The following PCSK6 variants were observed in gnomAD, a reference collection of about 807,000 sequenced individuals.
PCSK6 encodes paired basic amino acid cleaving enzyme 4.
In PCSK6, 85 loss-of-function variants were observed where a neutral mutation model predicts 123.3. That is an observed-to-expected ratio of 0.69 (90% confidence interval 0.58 to 0.83). PCSK6 has a LOEUF of 0.83. PCSK6 is among the 40% of genes least tolerant of loss of function. The pLI, the probability that PCSK6 is intolerant of heterozygous loss-of-function variation, is 0.00. For missense variants in PCSK6, 1,191 were observed against 1,282.3 expected (o/e 0.93, Z 1.09); for synonymous variants, 508 against 516.0 (o/e 0.98, Z 0.21).
At position 101,347,733 on chromosome 15, in the gene PCSK6, T is replaced by A. The variant is rs750883139; in HGVS notation, c.1859-15702A>T. 12 of 1,613,908 alleles carry A rather than the reference T, an allele frequency of 7.4e-6. No homozygotes were observed. The East Asian group carries it at 2.7e-4, about 36-fold the overall frequency. ...AGTATTTCACAGAGATTACCAAAGC[T>A]CTTGTTCAATCTGCCACCGGAACAC... is the stretch of plus-strand genomic sequence containing the variant. On this transcript the variant is annotated intron_variant, in intron 13 of 21. Transcript: ENST00000611716.
intron 20 of PCSK6, among the ~76,000 whole-genome samples, chr15:101,310,262 C>T (rs1299182119): frequency 6.6e-6 from 1 of 152,236 alleles, no homozygotes; most frequent in South Asian, 2.1e-4. Flanking sequence ...GAAAGCTGCC[C>T]CTCACCTGGG....
rs528579647 is a variant in PCSK6, at chr15:101,476,574, A to C, written c.297+12800T>G. On this transcript the variant is annotated intron_variant, in intron 1 of 21. Coordinates refer to ENST00000611716, the MANE Select transcript of PCSK6 (RefSeq NM_002570.5). Reference sequence around the variant, plus strand: ...ATTCCATTTATATTAAAAAAAAAAAAAACAACAAAAATTCTTTTTGTGTGT... The same window carrying C: ...ATTCCATTTATATTAAAAAAAAAAACAACAACAAAAATTCTTTTTGTGTGT... Among the ~76,000 whole-genome samples the C allele has an allele frequency of 4.0e-3, 614 of 152,062 alleles. 6 individuals are homozygous for C. Among genetic ancestry groups the C allele is most frequent in the African/African-American group, 0.013 (554 of 41,478 alleles).
chr15:101,410,422 A>G (rs1182477611), intron 6 of PCSK6, among the ~76,000 whole-genome samples: 2 of 152,234 alleles, frequency 1.3e-5, no homozygotes, highest in Non-Finnish European at 2.9e-5. Context: ...ACTATGTGCC[A>G]GGTCAAAATT....
At chr15:101,406,563 G>T (rs1439706192) in intron 6 of PCSK6, among the ~76,000 whole-genome samples, 1 of 152,040 alleles carries the variant, frequency 6.6e-6, no homozygotes, top group Non-Finnish European at 1.5e-5. Flanking sequence ...GCCATTCCGG[G>T]CCAAGTAAGG....
chr15:101,416,332 G>T (rs1330231968), intron 6 of PCSK6, among the ~76,000 whole-genome samples: 19 of 152,350 alleles, frequency 1.2e-4, no homozygotes, highest in Non-Finnish European at 5.9e-5. Context: ...ATGATTTAGA[G>T]TATCTGGCAG....
rs1399165320 is a variant in PCSK6 at position 101,307,273 on chromosome 15, A to G, written c.2752T>C (p.Cys918Arg). The change falls in exon 21 of 22, where the codon TGT becomes CGT. Residue 918 changes from cysteine (C) to arginine (R), a missense_variant. Coordinates refer to ENST00000611716, the MANE Select transcript of PCSK6 (RefSeq NM_002570.5). The stretch of plus-strand genomic sequence containing the variant: ...CCCAGCTGTGTGAAGCCCGTCTTAC[A>G]CCTGCTACAGTTCCTGCTGGAGCCT... ...CAGSSRNCSRCKTGFTQLGTS... is the reference protein window; with the variant it reads ...CAGSSRNCSRRKTGFTQLGTS... 1.2e-6 allele frequency: 2 copies of G among 1,613,768 alleles called. No homozygotes were observed. Among genetic ancestry groups the G allele is most frequent in the Admixed American group, 1.7e-5 (1 of 60,010 alleles).
At chr15:101,389,043 G>C (rs1176200304) in intron 9 of PCSK6, among the ~76,000 whole-genome samples, 1 of 152,174 alleles carries the variant, frequency 6.6e-6, no homozygotes, top group African/African-American at 2.4e-5. Context: ...GATTATTAGG[G>C]TGGGCCCTAA....
At chr15:101,400,014 G>C (rs2042539328) in intron 6 of PCSK6, among the ~76,000 whole-genome samples, 1 of 152,078 alleles carries the variant, frequency 6.6e-6, no homozygotes, top group African/African-American at 2.4e-5. Context: ...ATAATATTTT[G>C]GCTATTTTCT....
intron 6 of PCSK6, among the ~76,000 whole-genome samples, chr15:101,415,789 G>A (rs554140471): frequency 9.8e-5 from 15 of 152,300 alleles, no homozygotes; most frequent in Admixed American, 9.2e-4. Context: ...GATCTGACAG[G>A]TTTATCACGG....
At chr15:101,320,876 G>A (rs959200446) in intron 18 of PCSK6, among the ~76,000 whole-genome samples, 1 of 152,214 alleles carries the variant, frequency 6.6e-6, no homozygotes, top group African/African-American at 2.4e-5. Flanking sequence ...CTGAAAGCTC[G>A]TCAGTGACGG....
chr15:101,437,887 G>T (rs116442295), intron 2 of PCSK6, among the ~76,000 whole-genome samples: 1 of 152,056 alleles, frequency 6.6e-6, no homozygotes, highest in Non-Finnish European at 1.5e-5. Context: ...ATCTTAACCC[G>T]GGGTAGCTCA....
intron 13 of PCSK6, among the ~76,000 whole-genome samples, chr15:101,359,027 T>G (rs2041132043): frequency 6.6e-6 from 1 of 152,082 alleles, no homozygotes; most frequent in Non-Finnish European, 1.5e-5. Flanking sequence ...AGCCTGTGGG[T>G]GACAGGAAGG....
At chr15:101,471,999 C>G (rs1005985006) in intron 1 of PCSK6, among the ~76,000 whole-genome samples, 1 of 151,410 alleles carries the variant, frequency 6.6e-6, no homozygotes, top group Non-Finnish European at 1.5e-5. Flanking sequence ...TTTCCATTCT[C>G]CTATGGATGG....
At chr15:101,353,607 A>G (rs936946568) in intron 13 of PCSK6, among the ~76,000 whole-genome samples, 2 of 152,212 alleles carry the variant, frequency 1.3e-5, no homozygotes, top group African/African-American at 4.8e-5. Context: ...AGAGGCTCCC[A>G]GCTTTTAATA....
chr15:101,334,053 A>G (rs1392102247), intron 13 of PCSK6: 1 of 152,326 alleles, frequency 6.6e-6, no homozygotes, highest in Non-Finnish European at 1.5e-5. Flanking sequence ...ATGAAACAGC[A>G]TCCCCAGCAT....
Position 101,443,703 on chromosome 15 carries a change from G to T in PCSK6, c.298-43C>A. The T allele has an allele frequency of 2.1e-6, 3 of 1,430,156 alleles. No individual in the cohort carries two copies. The South Asian group carries it at 3.4e-5, about 16-fold the overall frequency. 88.6% of individuals were successfully genotyped at this position (1,430,156 alleles called of 1,614,324 possible). ...GAATGCCATCAATTAATAGTCTCAC[G>T]AACAGCTTCCAAAATCTTCCACCCC... On this transcript the variant is annotated intron_variant, in intron 1 of 21. Transcript: ENST00000611716.
intron 6 of PCSK6, among the ~76,000 whole-genome samples, chr15:101,402,969 C>A (rs2042638412): frequency 6.6e-6 from 1 of 152,108 alleles, no homozygotes. Context: ...GACACACGCA[C>A]ACATATGTTT....
intron 1 of PCSK6, among the ~76,000 whole-genome samples, chr15:101,480,682 C>G (rs924487584): frequency 6.6e-6 from 1 of 152,216 alleles, no homozygotes; most frequent in East Asian, 1.9e-4. Context: ...GAAGCATCCA[C>G]AGTGAGCTCC....
At chr15:101,427,774 G>A in intron 6 of PCSK6, 118 bp downstream of exon 6, 1 of 721,410 alleles carries the variant, frequency 1.4e-6, no homozygotes, top group Non-Finnish European at 2.3e-6. Flanking sequence ...CTGGCCCAGG[G>A]GTCTGCTGAC....
Sources: gnomAD v4.1 joint callset for allele counts (sites outside exome capture counted in the v4.1 genomes callset) on GRCh38, gnomAD v4.1.1 for gene constraint, MANE v1.5 for transcripts, NCBI Gene and HGNC (gene_info 2026-07-23, HGNC 2026-07-21) for gene names.